LONP1: variants seen among roughly 807,000 people sequenced by gnomAD.
LONP1 encodes lon protease homolog, mitochondrial.
Under a neutral mutation model 98.5 loss-of-function variants are expected in LONP1, and 31 were observed. The ratio of observed to expected loss-of-function variants is 0.31; its 90% CI spans 0.24 to 0.42. The LOEUF (loss-of-function observed/expected upper bound fraction) is 0.42, where lower values mean the gene tolerates loss of function less well. Ranked by LOEUF, LONP1 falls within the 20% of genes least tolerant of loss-of-function variation. LONP1 has a pLI of 1.00. For missense variants in LONP1, 1,336 were observed against 1,350.6 expected (o/e 0.99, Z 0.17); for synonymous variants, 781 against 594.7 (o/e 1.31, Z -4.56).
At position 5,692,094 on chromosome 19, in the gene LONP1, G is replaced by A. The variant is rs900543348; in HGVS notation, c.2818C>T (p.Arg940Trp). The A allele has an allele frequency of 6.2e-6, 10 of 1,614,018 alleles. No individual in the cohort carries two copies. Among genetic ancestry groups the A allele is most frequent in the Non-Finnish European group, 5.9e-6 (7 of 1,180,026 alleles). Reference protein sequence around the residue: ...GLEVHFVEHYREIFDIAFPDE... With the variant: ...GLEVHFVEHYWEIFDIAFPDE... The stretch of plus-strand genomic sequence containing the variant: ...GGGAAGGCGATGTCGAAGATCTCCC[G>A]GTAGTGTTCCACGAAGTGCACCTCC... The change falls in exon 18 of 18, where the codon CGG becomes TGG. Residue 940 changes from arginine to tryptophan, a missense_variant. Around this residue, in one of 5 missense-constraint regions of LONP1, gnomAD observed 555 missense variants for 542.6 expected, o/e 1.02. Transcript: ENST00000360614.
intron 7 of LONP1, 35 bp downstream of exon 7, chr19:5,707,025 C>A: frequency 2.5e-6 from 4 of 1,577,890 alleles, no homozygotes; most frequent in Non-Finnish European, 3.5e-6. Flanking sequence ...AGGGGAAGGC[C>A]CCCAAGAGTG....
chr19:5,719,270 G>A (rs1232500876), intron 1 of LONP1, among the ~76,000 whole-genome samples: 1 of 152,172 alleles, frequency 6.6e-6, no homozygotes. Flanking sequence ...CAAATAATAA[G>A]CAATCAAGAA....
At position 5,716,530 on chromosome 19, in the gene LONP1, A is replaced by G. The variant is rs190352565; in HGVS notation, c.430-2259T>C. 1.5e-3 allele frequency among the ~76,000 whole-genome samples: 221 copies of G among 151,154 alleles called. 1 individual carries two copies. Among genetic ancestry groups the G allele is most frequent in the African/African-American group, 5.2e-3 (213 of 41,206 alleles). On this transcript the variant is annotated intron_variant, in intron 1 of 17. Transcript: ENST00000360614. ...CACAGGCTCTTAACTTGTGGTCCAG[A>G]AATTCCTGACACTATAGATACATAA...
chr19:5,712,058 G>A (rs773483430), intron 3 of LONP1, 56 bp from the exon 4 acceptor site: 43 of 1,434,312 alleles, frequency 3.0e-5, no homozygotes, highest in South Asian at 2.1e-4. Context: ...AGCTGGACCC[G>A]GCTGAGGCCT....
At chr19:5,694,649 T>C in intron 14 of LONP1, 97 bp from the exon 15 acceptor site, 1 of 1,546,404 alleles carries the variant, frequency 6.5e-7, no homozygotes, top group Non-Finnish European at 8.8e-7. Flanking sequence ...GGGCGCGGGG[T>C]GGTGGGGTGA....
At chr19:5,697,264 G>A (rs1306883633) in intron 10 of LONP1, among the ~76,000 whole-genome samples, 1 of 152,046 alleles carries the variant, frequency 6.6e-6, no homozygotes, top group Admixed American at 6.6e-5. Flanking sequence ...TGAAGACACA[G>A]GGAGGCAGGG....
At chr19:5,700,693 CA>C (rs1399986720) in intron 9 of LONP1, 95 bp downstream of exon 9, 5 of 1,523,398 alleles carry the variant, frequency 3.3e-6, no homozygotes, top group Non-Finnish European at 4.4e-6. Context: ...ACGAATTCAC[CA>C]GGGGGCTCCT....
intron 8 of LONP1, among the ~76,000 whole-genome samples, chr19:5,701,358 T>C (rs2055039201): frequency 6.6e-6 from 1 of 152,030 alleles, no homozygotes; most frequent in African/African-American, 2.4e-5. Context: ...TTTCCCTCTT[T>C]CCATGGTCTC....
chr19:5,694,109 G>A (rs190010638), intron 15 of LONP1, among the ~76,000 whole-genome samples: 26 of 152,284 alleles, frequency 1.7e-4, no homozygotes, highest in Admixed American at 9.2e-4. Flanking sequence ...TCCTTTGTGC[G>A]TGGTGGCCCC....
At chr19:5,707,847 C>T (rs1275776528) in intron 5 of LONP1, 21 bp from the exon 6 acceptor site, 2 of 1,611,492 alleles carry the variant, frequency 1.2e-6, no homozygotes, top group South Asian at 1.1e-5. Context: ...AAGGGAGCTG[C>T]CTCGGTGGCC....
At position 5,696,122 on chromosome 19, in the gene LONP1, G is replaced by A; in HGVS notation, c.1945C>T (p.Leu649=). The change falls in exon 13 of 18, where the codon CTG becomes TTG. Residue 649 remains leucine (L), a synonymous_variant. Coordinates refer to ENST00000360614, the MANE Select transcript of LONP1 (RefSeq NM_004793.4). The part of the protein sequence containing the change: ...ANVTDTIPEP[L]RDRMEMINVS... ...TTGATCATCTCCATACGGTCTCGCA[G>A]CGGCTCGGGGATGGTGTCCGTGACG... 1 of 1,613,082 alleles carries A rather than the reference G, an allele frequency of 6.2e-7. No homozygotes were observed.
Position 5,712,022 on chromosome 19 carries a change from GGTGTGAATCAGCC to G in LONP1, c.639-33_639-21del. 1 of 1,596,544 alleles carries G rather than the reference GGTGTGAATCAGCC, an allele frequency of 6.3e-7. No homozygotes were observed. Among genetic ancestry groups the G allele is most frequent in the Non-Finnish European group, 8.6e-7 (1 of 1,167,564 alleles). On this transcript the variant is annotated intron_variant, in intron 3 of 17. Transcript: ENST00000360614. ...TGGACTCTGACACGGGAGCAAGGCA[GGTGTGAATCAGCC>G]GCTGAGGCTGGGAGCTGGACCCGGC...
In LONP1 at chr19:5,711,911, T is replaced by C. The variant is rs11551017; in HGVS notation, c.730A>G (p.Lys244Glu). The C allele has an allele frequency of 6.2e-7, 1 of 1,611,202 alleles. No homozygotes were observed. The highest frequency in any genetic ancestry group is 8.5e-7 in the Non-Finnish European group (1 of 1,179,736). Residue 244 changes from lysine (K) to glutamate (E), a missense_variant, in exon 4 of 18, where the codon AAG becomes GAG. Around this residue, in one of 5 missense-constraint regions of LONP1, gnomAD observed 457 missense variants for 403.1 expected, o/e 1.13. Transcript: ENST00000360614. ...KPRRKSKRGKKEAEDELSARH... is the reference protein window; with the variant it reads ...KPRRKSKRGKEEAEDELSARH... ...GCGCTCAGCTCGTCCTCCGCCTCCT[T>C]CTTGCCCCGCTTTGACTTCCTGCGG...
rs376302399 is a variant in LONP1 at position 5,694,433 on chromosome 19, G to A, written c.2274C>T (p.Asp758=). The change falls in exon 15 of 18, where the codon GAC becomes GAT. Residue 758 remains aspartate, a synonymous_variant. Coordinates refer to ENST00000360614, the MANE Select transcript of LONP1 (RefSeq NM_004793.4). ...CCATGACCACGCCGGGCGGTGTCAC[G>A]TCATACATGCGCTCCACGGTGAACA... is the stretch of plus-strand genomic sequence containing the variant. ...KPVFTVERMY[D]VTPPGVVMGL... The A allele has an allele frequency of 3.7e-5, 59 of 1,613,476 alleles. No homozygotes were observed. In the African/African-American group the frequency reaches 4.4e-4, roughly 12 times the overall value.
rs748794820 is a variant in LONP1, at chr19:5,719,908, G to A, written c.225C>T (p.Gly75=). ...CCTCGCCCCCCGAGAATGCGCCTCC[G>A]CCGCGGCTGCTCGCTTCCCAAAACC... ...WRGFWEASSR[G]GGAFSGGEDA... is the part of the protein sequence containing the mutation. Residue 75 remains glycine, a synonymous_variant, in exon 1 of 18, where the codon GGC becomes GGT. Transcript: ENST00000360614. 2 of 1,549,404 alleles carry A rather than the reference G, an allele frequency of 1.3e-6. No homozygotes were observed. The highest frequency in any genetic ancestry group is 1.7e-6 in the Non-Finnish European group (2 of 1,148,534).
chr19:5,709,027 A>AG (rs1465885289), intron 4 of LONP1: 1 of 151,594 alleles, frequency 6.6e-6, no homozygotes, highest in Non-Finnish European at 1.5e-5. Flanking sequence ...AAAAAAAAAA[A>AG]AAAAAAAGAC....
rs755361563 is a variant in LONP1, at chr19:5,700,876, G to C, written c.1419C>G (p.Tyr473Ter). 1 of 1,614,230 alleles carries C rather than the reference G, an allele frequency of 6.2e-7. No individual in the cohort carries two copies. Among genetic ancestry groups the C allele is most frequent in the Non-Finnish European group, 8.5e-7 (1 of 1,180,026 alleles). The part of the protein sequence containing the change: ...DWLTSIPWGK[Y>*]SNENLDLARA... ...GCGCCAGGTCCAGGTTCTCGTTGCTGTACTTGCCCCAAGGGATGGACGTGA... is the reference window on the plus strand; with the variant it reads ...GCGCCAGGTCCAGGTTCTCGTTGCTCTACTTGCCCCAAGGGATGGACGTGA... Residue 473 changes from tyrosine (Y) to a stop codon, truncating the protein, a stop_gained, in exon 9 of 18, where the codon TAC becomes TAG. Coordinates refer to ENST00000360614, the MANE Select transcript of LONP1 (RefSeq NM_004793.4). LOFTEE classifies it high-confidence loss of function.
In LONP1 at chr19:5,711,830, G is replaced by C. The variant is rs566985268; in HGVS notation, c.811C>G (p.Leu271Val). The C allele has an allele frequency of 6.2e-7, 1 of 1,612,764 alleles. No individual in the cohort carries two copies. Among genetic ancestry groups the C allele is most frequent in the Non-Finnish European group, 8.5e-7 (1 of 1,179,936 alleles). Residue 271 changes from leucine to valine, a missense_variant, in exon 4 of 18, where the codon CTC becomes GTC. Leu to Val is a conservative substitution (Grantham distance 32). Coordinates refer to ENST00000360614, the MANE Select transcript of LONP1 (RefSeq NM_004793.4). ...ACAACGTTCTCTACCTCCACCATGA[G>C]CACCTCAGCCGGGAGCTCAGGGGTG... ...EPTPELPAEV[L>V]MVEVENVVHE...
intron 3 of LONP1, 138 bp from the exon 4 acceptor site, chr19:5,712,140 C>A (rs2081542649): frequency 1.5e-6 from 1 of 670,512 alleles, no homozygotes; most frequent in Non-Finnish European, 2.5e-6. Context: ...GCTACAGGGT[C>A]CTCAAGCTGG....
Sources: allele counts gnomAD v4.1 joint callset (sites outside exome capture counted in the v4.1 genomes callset), GRCh38; gene constraint gnomAD v4.1.1; regional missense constraint gnomAD v4.1.1; transcripts MANE v1.5; gene names NCBI Gene and HGNC (gene_info 2026-07-23, HGNC 2026-07-21).